The following SLC66A2 variants were observed in gnomAD, a reference collection of about 807,000 sequenced individuals.
SLC66A2 encodes the protein PQ loop repeat containing 1.
A neutral mutation model predicts 25.5 loss-of-function variants in SLC66A2; 23 were observed. The observed-to-expected ratio is 0.90, with a 90% CI of 0.65 to 1.28. The LOEUF is 1.28. Ranked by LOEUF, SLC66A2 falls within the 50% of genes most tolerant of loss-of-function variation. The pLI is 0.00. For synonymous variants in SLC66A2, 193 were observed against 166.5 expected (o/e 1.16, Z -1.23); for missense variants, 396 against 373.1 (o/e 1.06, Z -0.51).
At chr18:79,942,142 A>G (rs1987729173) in intron 3 of SLC66A2, among the ~76,000 whole-genome samples, 1 of 152,214 alleles carries the variant, frequency 6.6e-6, no homozygotes, top group African/African-American at 2.4e-5. Flanking sequence ...CTGGTTCTTA[A>G]AAGCCTGCTT....
intron 1 of SLC66A2, 56 bp from the exon 2 acceptor site, chr18:79,951,081 A>T: frequency 2.1e-6 from 1 of 468,744 alleles, no homozygotes; most frequent in Non-Finnish European, 3.4e-6. Flanking sequence ...GGCGGCGCGC[A>T]CGGACCCGAC....
chr18:79,911,540 C>T (rs1045740374), intron 5 of SLC66A2, among the ~76,000 whole-genome samples: 1 of 152,256 alleles, frequency 6.6e-6, no homozygotes, highest in African/African-American at 2.4e-5. Flanking sequence ...CCCCGGGGCC[C>T]TGACGCACAG....
chr18:79,907,812 C>T (rs777698261), intron 5 of SLC66A2, among the ~76,000 whole-genome samples: 5 of 152,136 alleles, frequency 3.3e-5, no homozygotes, highest in Middle Eastern at 3.4e-3. Flanking sequence ...TAGGGGACCA[C>T]GGATGCTGTT....
intron 5 of SLC66A2, among the ~76,000 whole-genome samples, chr18:79,906,048 T>C (rs143096807): frequency 6.6e-6 from 1 of 152,226 alleles, no homozygotes; most frequent in Non-Finnish European, 1.5e-5. Context: ...AATTTTCAAA[T>C]GTATGGGCAT....
At chr18:79,950,073 T>C (rs2051066641) in intron 2 of SLC66A2, among the ~76,000 whole-genome samples, 1 of 152,180 alleles carries the variant, frequency 6.6e-6, no homozygotes, top group Admixed American at 6.5e-5. Context: ...CCAGGCGCCG[T>C]GGCTCAGCTT....
rs1987658907 is a variant in SLC66A2, at chr18:79,941,428, C to T, written c.337+1901G>A. On this transcript the variant is annotated intron_variant, in intron 3 of 5. Transcript: ENST00000397778. This position sits in a 1 kb window ranked among gnomAD's most constrained non-coding sequence, Gnocchi z 4.1. ...CCCAGGATCAGGGCACGGACGTCTC[C>T]AGGGGCCATTATTCTGTACACCCAC... 6.6e-6 allele frequency: 1 copy of T among 152,238 alleles called. No homozygotes were observed. Among genetic ancestry groups the T allele is most frequent in the Non-Finnish European group, 1.5e-5 (1 of 68,078 alleles). The allele number at this position is 152,238 out of a possible 1,614,324, so 9.4% of individuals were successfully genotyped here.
intron 3 of SLC66A2, among the ~76,000 whole-genome samples, chr18:79,942,312 GT>G (rs1167522852): frequency 1.3e-5 from 2 of 152,338 alleles, no homozygotes; most frequent in African/African-American, 4.8e-5. Flanking sequence ...GCTCATCTCT[GT>G]GGCCCCAACG....
intron 2 of SLC66A2, chr18:79,943,885 C>T (rs572827293): frequency 2.1e-4 from 41 of 193,240 alleles, no homozygotes; most frequent in African/African-American, 8.8e-4. Flanking sequence ...CCACCCACGC[C>T]GCCTCACCCA....
At position 79,903,684 on chromosome 18, in the gene SLC66A2, G is replaced by T; in HGVS notation, c.*292C>A. The T allele has an allele frequency of 2.4e-6, 1 of 411,174 alleles. No individual in the cohort carries two copies. Among genetic ancestry groups the T allele is most frequent in the Non-Finnish European group, 4.2e-6 (1 of 238,486 alleles). 25.5% of individuals were successfully genotyped at this position (411,174 alleles called of 1,614,324 possible). On this transcript the variant is annotated 3_prime_UTR_variant, in exon 6 of 6. Coordinates refer to ENST00000397778, the MANE Select transcript of SLC66A2 (RefSeq NM_025078.5). ...CCCAATGTGTACCTTGGGCTCAGAC[G>T]GTGTTTCATAAGAGGAAATGGGGAA...
rs756397607 is a variant in SLC66A2, at chr18:79,903,882, C to A, written c.*94G>T. 2 of 1,185,776 alleles carry A rather than the reference C, an allele frequency of 1.7e-6. No individual in the cohort carries two copies. Among genetic ancestry groups the A allele is most frequent in the Admixed American group, 2.7e-5 (1 of 37,334 alleles). The allele number at this position is 1,185,776 out of a possible 1,614,324, so 73.5% of individuals were successfully genotyped here. A position where few individuals can be genotyped will look rare whatever the true frequency, so the allele number is the denominator to read the frequency against. On this transcript the variant is annotated 3_prime_UTR_variant, in exon 6 of 6. Transcript: ENST00000397778. ...ATGCCCATGCCCCATCTCTGCCACA[C>A]CTGCAGGGGCCACAGCACCCACCCT...
In SLC66A2 at chr18:79,903,864, T is replaced by C. The variant is rs1440332213; in HGVS notation, c.*112A>G. On this transcript the variant is annotated 3_prime_UTR_variant, in exon 6 of 6. Coordinates refer to ENST00000397778, the MANE Select transcript of SLC66A2 (RefSeq NM_025078.5). ...AGGCTGATGGAGACCCCAATGCCCA[T>C]GCCCCATCTCTGCCACACCTGCAGG... The C allele has an allele frequency of 3.4e-6, 3 of 885,678 alleles. No homozygotes were observed. Among genetic ancestry groups the C allele is most frequent in the Non-Finnish European group, 1.7e-6 (1 of 590,920 alleles). 54.9% of individuals were successfully genotyped at this position (885,678 alleles called of 1,614,324 possible).
At position 79,950,965 on chromosome 18, in the gene SLC66A2, G is replaced by C. The variant is rs754315074; in HGVS notation, c.-39C>G. The C allele has an allele frequency of 2.1e-6, 3 of 1,432,574 alleles. No homozygotes were observed. The African/African-American group carries it at 4.5e-5, about 21-fold the overall frequency. 88.7% of individuals were successfully genotyped at this position (1,432,574 alleles called of 1,614,324 possible). On this transcript the variant is annotated 5_prime_UTR_variant, in exon 2 of 6. Transcript: ENST00000397778. ...TGGCCGAGGCTGTCACGGGCTCCGC[G>C]CCCCGCGGGCCACCGGCCGCCTGCT...
chr18:79,905,303 T>C (rs1242321045), intron 5 of SLC66A2, among the ~76,000 whole-genome samples: 1 of 152,240 alleles, frequency 6.6e-6, no homozygotes, highest in Non-Finnish European at 1.5e-5. Context: ...TTTTATTCTC[T>C]GGGATGTGTC....
intron 4 of SLC66A2, among the ~76,000 whole-genome samples, chr18:79,922,507 G>A (rs572082968): frequency 7.9e-5 from 12 of 152,184 alleles, no homozygotes; most frequent in African/African-American, 1.2e-4. Context: ...TCTACAACAC[G>A]CCTCGGCCAC....
At position 79,903,687 on chromosome 18, in the gene SLC66A2, G is replaced by A. The variant is rs112956466; in HGVS notation, c.*289C>T. The A allele has an allele frequency of 1.3e-5, 6 of 453,572 alleles. No individual in the cohort carries two copies. Among genetic ancestry groups the A allele is most frequent in the African/African-American group, 8.3e-5 (4 of 48,386 alleles). 28.1% of individuals were successfully genotyped at this position (453,572 alleles called of 1,614,324 possible). A position where few individuals can be genotyped will look rare whatever the true frequency, so the allele number is the denominator to read the frequency against. ...AATGTGTACCTTGGGCTCAGACGGT[G>A]TTTCATAAGAGGAAATGGGGAAAAC... On this transcript the variant is annotated 3_prime_UTR_variant, in exon 6 of 6. Coordinates refer to ENST00000397778, the MANE Select transcript of SLC66A2 (RefSeq NM_025078.5).
At chr18:79,923,466 A>T (rs974289379) in intron 4 of SLC66A2, among the ~76,000 whole-genome samples, 1 of 152,122 alleles carries the variant, frequency 6.6e-6, no homozygotes, top group Non-Finnish European at 1.5e-5. Flanking sequence ...CATCTCTGGG[A>T]GACCTATTTT....
chr18:79,932,142 A>G (rs1236133917), intron 4 of SLC66A2, among the ~76,000 whole-genome samples: 1 of 152,260 alleles, frequency 6.6e-6, no homozygotes, highest in Non-Finnish European at 1.5e-5. Context: ...CACATTCCTA[A>G]TAAGTGGGTC....
Position 79,923,216 on chromosome 18 carries a change from G to A in SLC66A2, c.392-3816C>T, listed in dbSNP as rs1373918910. ...GGCTATGGACAGGGGGGCTGTGGAC[G>A]GTGAGGGGGTGGATGGGGGGGGGCC... On this transcript the variant is annotated intron_variant, in intron 4 of 5. Transcript: ENST00000397778. Among the ~76,000 whole-genome samples the A allele has an allele frequency of 2.2e-4, 26 of 119,004 alleles. No homozygotes were observed. In the East Asian group the frequency reaches 6.5e-3, roughly 30 times the overall value. 78.1% of individuals were successfully genotyped at this position (119,004 alleles called of 152,430 possible).
chr18:79,942,257 C>T lies in SLC66A2; in HGVS notation c.337+1072G>A, dbSNP rs73971312. ...AGAGACTCAGAGGAGAGGAGAATGGCGTGAATGGGGAGAAAGAACAGAACA... is the reference window on the plus strand; with the variant it reads ...AGAGACTCAGAGGAGAGGAGAATGGTGTGAATGGGGAGAAAGAACAGAACA... On this transcript the variant is annotated intron_variant, in intron 3 of 5. Coordinates refer to ENST00000397778, the MANE Select transcript of SLC66A2 (RefSeq NM_025078.5). Among the ~76,000 whole-genome samples the T allele has an allele frequency of 6.5e-3, 995 of 152,202 alleles. 4 individuals carry two copies. Among genetic ancestry groups the T allele is most frequent in the African/African-American group, 0.022 (921 of 41,534 alleles).
Sources: gnomAD v4.1 joint callset for allele counts (sites outside exome capture counted in the v4.1 genomes callset) on GRCh38, gnomAD v4.1.1 for gene constraint, Gnocchi (gnomAD v3.1) non-coding constraint, MANE v1.5 for transcripts, NCBI Gene and HGNC (gene_info 2026-07-23, HGNC 2026-07-21) for gene names.